The following IMPG1 variants were observed in gnomAD, a reference collection of about 807,000 sequenced individuals.
IMPG1 encodes interphotoreceptor matrix proteoglycan of 150 kDa.
IMPG1 carries 85 observed loss-of-function variants against 92.0 expected under a neutral mutation model. The ratio of observed to expected loss-of-function variants is 0.92; its 90% CI spans 0.78 to 1.11. The LOEUF is 1.11. Among genes scored for constraint, IMPG1 ranks in the 50% least tolerant of loss-of-function variants. The pLI, the probability that IMPG1 is intolerant of heterozygous loss-of-function variation, is 0.00. For synonymous variants in IMPG1, 367 were observed against 334.1 expected (o/e 1.10, Z -1.08); for missense variants, 1,022 against 956.0 (o/e 1.07, Z -0.91).
At chr6:76,035,943 T>C (rs1783735497) in intron 2 of IMPG1, among the ~76,000 whole-genome samples, 2 of 152,184 alleles carry the variant, frequency 1.3e-5, no homozygotes. Context: ...GGAGTCCTAA[T>C]AGGTTGACAG....
At chr6:75,939,611 T>C (rs1781805666) in intron 14 of IMPG1, among the ~76,000 whole-genome samples, 1 of 152,264 alleles carries the variant, frequency 6.6e-6, no homozygotes, top group Non-Finnish European at 1.5e-5. Flanking sequence ...TGTTGGACAT[T>C]TGACAACCTC....
At chr6:76,026,527 C>T (rs114820749) in intron 4 of IMPG1, among the ~76,000 whole-genome samples, 1,675 of 152,304 alleles carry the variant, frequency 0.011, 35 homozygotes, top group African/African-American at 0.038. Context: ...CCTGCTGGGG[C>T]TGGGACGTAT....
intron 12 of IMPG1, among the ~76,000 whole-genome samples, chr6:75,982,170 G>A (rs923891454): frequency 6.6e-6 from 1 of 152,158 alleles, no homozygotes; most frequent in Admixed American, 6.5e-5. Flanking sequence ...GAAGGTGGTG[G>A]TGGGGGAAGA....
At chr6:76,004,600 C>T (rs749144499) in intron 10 of IMPG1, among the ~76,000 whole-genome samples, 4 of 152,160 alleles carry the variant, frequency 2.6e-5, no homozygotes, top group Non-Finnish European at 4.4e-5. Context: ...TCTACTTTGC[C>T]ATTTACTGAA....
chr6:76,056,237 A>G (rs990897814), intron 1 of IMPG1, among the ~76,000 whole-genome samples: 2 of 152,176 alleles, frequency 1.3e-5, no homozygotes, highest in Middle Eastern at 3.2e-3. Context: ...CTATTTGGCA[A>G]TCTCAATACA....
intron 14 of IMPG1, among the ~76,000 whole-genome samples, chr6:75,939,374 C>T (rs762381911): frequency 3.9e-5 from 6 of 152,120 alleles, no homozygotes; most frequent in African/African-American, 9.7e-5. Context: ...CAACAGGCCC[C>T]GGTGTGTGAT....
At position 76,024,796 on chromosome 6, in the gene IMPG1, G is replaced by A. The variant is rs1195572285; in HGVS notation, c.562+398C>T. ...ATATGGATGCAACAGAATGTTGCAAGTCATTAAAATGATAACTTTGAAGAA... is the reference window on the plus strand; with the variant it reads ...ATATGGATGCAACAGAATGTTGCAAATCATTAAAATGATAACTTTGAAGAA... On this transcript the variant is annotated intron_variant, in intron 5 of 16. Coordinates refer to ENST00000369950, the MANE Select transcript of IMPG1 (RefSeq NM_001563.4). 5 of 310,024 alleles carry A rather than the reference G, an allele frequency of 1.6e-5. No homozygotes were observed. In the Admixed American group the frequency reaches 1.9e-4, roughly 12 times the overall value. 19.2% of individuals were successfully genotyped at this position (310,024 alleles called of 1,614,324 possible). A position where few individuals can be genotyped will look rare whatever the true frequency, so the allele number is the denominator to read the frequency against.
chr6:75,975,990 C>G (rs1276358450), intron 12 of IMPG1, among the ~76,000 whole-genome samples: 4 of 151,998 alleles, frequency 2.6e-5, no homozygotes, highest in African/African-American at 9.7e-5. Flanking sequence ...AAAAGCATGC[C>G]TAGCTTGCGG....
chr6:76,054,220 A>T (rs1339885153), intron 1 of IMPG1, among the ~76,000 whole-genome samples: 1 of 152,146 alleles, frequency 6.6e-6, no homozygotes, highest in Admixed American at 6.6e-5. Context: ...GAGAAAATAG[A>T]TGTTACTGTT....
At chr6:76,051,001 A>C (rs1562384599) in intron 1 of IMPG1, among the ~76,000 whole-genome samples, 1 of 152,222 alleles carries the variant, frequency 6.6e-6, no homozygotes, top group Non-Finnish European at 1.5e-5. Context: ...GCACGACCAG[A>C]GACAAAATTC....
intron 1 of IMPG1, among the ~76,000 whole-genome samples, chr6:76,059,028 C>T (rs143521344): frequency 1.4e-4 from 21 of 152,128 alleles, no homozygotes; most frequent in African/African-American, 3.6e-4. Flanking sequence ...CCTGAAGAAT[C>T]GGACAAAATG....
chr6:76,002,807 C>T, intron 12 of IMPG1, 111 bp downstream of exon 12: 1 of 812,186 alleles, frequency 1.2e-6, no homozygotes, highest in East Asian at 2.6e-5. Flanking sequence ...GGCAGTGAAC[C>T]TTTTCCTGGG....
At chr6:75,941,719 G>C (rs1460825133) in intron 14 of IMPG1, among the ~76,000 whole-genome samples, 1 of 152,138 alleles carries the variant, frequency 6.6e-6, no homozygotes. Flanking sequence ...TGTAGTTTCT[G>C]TTTTACATTT....
chr6:75,993,499 G>GGA (rs1356133080), intron 12 of IMPG1, among the ~76,000 whole-genome samples: 2 of 150,480 alleles, frequency 1.3e-5, no homozygotes, highest in South Asian at 4.2e-4. Context: ...GGAGAGAAAG[G>GGA]GAGAGAGAGA....
Position 76,005,326 on chromosome 6 carries a change from C to T in IMPG1, c.1096G>A (p.Glu366Lys), listed in dbSNP as rs1025950037. The change falls in exon 10 of 17, where the codon GAA becomes AAA. Residue 366 changes from glutamate to lysine, a missense_variant. Coordinates refer to ENST00000369950, the MANE Select transcript of IMPG1 (RefSeq NM_001563.4). ...ATTGTCCCCACATCCAAAGATTGTT[C>T]TTCCTCTAGTGCTTTGCTGATCAGC... ...KRLISKALEEEQSLDVGTIQF... is the reference protein window; with the variant it reads ...KRLISKALEEKQSLDVGTIQF... 2 of 1,614,010 alleles carry T rather than the reference C, an allele frequency of 1.2e-6. No homozygotes were observed. Among genetic ancestry groups the T allele is most frequent in the Admixed American group, 1.7e-5 (1 of 59,984 alleles).
rs1284850597 is a variant in IMPG1, at chr6:75,982,512, C to T, written c.1291+20406G>A. On this transcript the variant is annotated intron_variant, in intron 12 of 16. Transcript: ENST00000369950. ...CTGAGATCGTGCCTGGGTGACAGAG[C>T]GAGACTCTATCTTAAAAAAAAAATG... Among the ~76,000 whole-genome samples, 7 of 148,206 alleles carry T rather than the reference C, an allele frequency of 4.7e-5. No individual in the cohort carries two copies. In the East Asian group the frequency reaches 7.9e-4, roughly 17 times the overall value.
intron 16 of IMPG1, among the ~76,000 whole-genome samples, chr6:75,922,551 T>C (rs955870290): frequency 6.6e-6 from 1 of 152,198 alleles, no homozygotes; most frequent in Non-Finnish European, 1.5e-5. Context: ...ATAATCAGCA[T>C]TGATACTTGT....
Position 76,007,484 on chromosome 6 carries a change from CT to C in IMPG1, c.882del (p.Asp295MetfsTer64). ...AAAACTTAAAGTCCAAATTACCCATCTTTTTCTTTCTTTGGTCTTCATTTCA... is the reference window on the plus strand; with the variant it reads ...AAAACTTAAAGTCCAAATTACCCATCTTTTCTTTCTTTGGTCTTCATTTCA... Reference protein sequence around the residue: ...HVLGFRPKKEKDGSSSTEMQL... With the variant: ...HVLGFRPKKEXDGSSSTEMQL... On this transcript the variant is annotated frameshift_variant, in exon 9 of 17. Transcript: ENST00000369950. LOFTEE classifies it high-confidence loss of function. 2 of 1,597,660 alleles carry C rather than the reference CT, an allele frequency of 1.3e-6. No homozygotes were observed. The highest frequency in any genetic ancestry group is 1.7e-6 in the Non-Finnish European group (2 of 1,169,852).
At chr6:76,046,812 GA>G (rs1325205247) in intron 1 of IMPG1, among the ~76,000 whole-genome samples, 1 of 152,066 alleles carries the variant, frequency 6.6e-6, no homozygotes, top group East Asian at 1.9e-4. Context: ...TCAGATAATC[GA>G]GACATTTCAC....
Sources: allele counts gnomAD v4.1 joint callset (sites outside exome capture counted in the v4.1 genomes callset), GRCh38; gene constraint gnomAD v4.1.1; transcripts MANE v1.5; gene names NCBI Gene and HGNC (gene_info 2026-07-23, HGNC 2026-07-21).